Variants in UVRAG observed in about 807,000 individuals in gnomAD.
The protein encoded by UVRAG is UV radiation resistance-associated gene protein.
In UVRAG, 19 loss-of-function variants were observed where a neutral mutation model predicts 78.0. The ratio of observed to expected loss-of-function variants is 0.24; its 90% CI spans 0.17 to 0.36. The LOEUF is 0.36. UVRAG is among the 10% of genes least tolerant of loss of function. The pLI, the probability that UVRAG is intolerant of heterozygous loss-of-function variation, is 1.00. For missense variants in UVRAG, 740 were observed against 853.8 expected (o/e 0.87, Z 1.66); for synonymous variants, 323 against 324.6 (o/e 1.00, Z 0.05).
intron 1 of UVRAG, among the ~76,000 whole-genome samples, chr11:75,828,036 T>G (rs1945553911): frequency 6.6e-6 from 1 of 152,176 alleles, no homozygotes; most frequent in African/African-American, 2.4e-5. Flanking sequence ...GGTTTTTTAT[T>G]CTGAAAATAG....
intron 1 of UVRAG, among the ~76,000 whole-genome samples, chr11:75,825,325 C>T (rs1440944903): frequency 2.6e-5 from 4 of 151,848 alleles, no homozygotes; most frequent in African/African-American, 9.7e-5. Flanking sequence ...ATTGGCCAGA[C>T]TGATCTCGAA....
chr11:76,038,217 A>T (rs1402560207), intron 12 of UVRAG, among the ~76,000 whole-genome samples: 1 of 152,180 alleles, frequency 6.6e-6, no homozygotes, highest in Non-Finnish European at 1.5e-5. Context: ...TGTGAGCATG[A>T]AAATAATTTA....
chr11:75,987,362 A>G (rs2135287770), intron 8 of UVRAG, among the ~76,000 whole-genome samples: 1 of 152,318 alleles, frequency 6.6e-6, no homozygotes, highest in Non-Finnish European at 1.5e-5. Context: ...CATGCTTCTT[A>G]CACCAGATTT....
At chr11:75,940,312 A>T (rs1200325535) in intron 6 of UVRAG, among the ~76,000 whole-genome samples, 1 of 152,158 alleles carries the variant, frequency 6.6e-6, no homozygotes, top group Admixed American at 6.5e-5. Context: ...TACTAACATT[A>T]TCATGGTCCT....
rs1253916078 is a variant in UVRAG at position 75,823,095 on chromosome 11, A to G, written c.117+7571A>G. 3.3e-5 allele frequency among the ~76,000 whole-genome samples: 5 copies of G among 152,152 alleles called. No individual in the cohort carries two copies. In the East Asian group the frequency reaches 7.7e-4, roughly 23 times the overall value. On this transcript the variant is annotated intron_variant, in intron 1 of 14. Transcript: ENST00000356136. ...ACTGGGGTCAAAGACCAAATATGAA[A>G]AGTAAAGATTCTCCTAGTACCCCTA...
chr11:75,968,517 T>C (rs1949066978), intron 7 of UVRAG, among the ~76,000 whole-genome samples: 1 of 152,192 alleles, frequency 6.6e-6, no homozygotes, highest in South Asian at 2.1e-4. Context: ...TGACTTGATA[T>C]ATTTCTGTAA....
chr11:75,968,300 CTAAT>C (rs755401001), intron 7 of UVRAG, among the ~76,000 whole-genome samples: 1 of 152,096 alleles, frequency 6.6e-6, no homozygotes, highest in Non-Finnish European at 1.5e-5. Context: ...ACACTAAAAT[CTAAT>C]TAAATGTAAT....
chr11:75,894,202 C>T (rs1177532030), intron 5 of UVRAG, among the ~76,000 whole-genome samples: 1 of 152,054 alleles, frequency 6.6e-6, no homozygotes. Context: ...TAGTCTGGAC[C>T]GCTGCTTGTC....
Position 75,906,637 on chromosome 11 carries a change from C to T in UVRAG, c.508-5317C>T, listed in dbSNP as rs560533067. On this transcript the variant is annotated intron_variant, in intron 5 of 14. Transcript: ENST00000356136. ...TGCTGGGATTACAGGCGCGAGCCAC[C>T]GTGCCTGGCCAGCTTTATGGTTTTA... Among the ~76,000 whole-genome samples, 5 of 152,130 alleles carry T rather than the reference C, an allele frequency of 3.3e-5. No individual in the cohort carries two copies. In the South Asian group the frequency reaches 1.0e-3, roughly 32 times the overall value.
chr11:76,142,548 GTTA>G lies in UVRAG; in HGVS notation c.*1136_*1138del. 1 of 152,552 alleles carries G rather than the reference GTTA, an allele frequency of 6.6e-6. No homozygotes were observed. Among genetic ancestry groups the G allele is most frequent in the Non-Finnish European group, 1.5e-5 (1 of 68,022 alleles). The allele number at this position is 152,552 out of a possible 1,614,324, so 9.4% of individuals were successfully genotyped here. Reference sequence around the variant, plus strand: ...GATTTCATTTGCTGTTGCTTTATACGTTACGTACCCAAGGACATTGCCTCAGGG... The same window carrying G: ...GATTTCATTTGCTGTTGCTTTATACGCGTACCCAAGGACATTGCCTCAGGG... On this transcript the variant is annotated 3_prime_UTR_variant, in exon 15 of 15. Transcript: ENST00000356136.
intron 14 of UVRAG, 75 bp downstream of exon 14, chr11:76,116,090 T>C (rs1015584263): frequency 5.8e-5 from 80 of 1,374,598 alleles, no homozygotes; most frequent in Non-Finnish European, 7.8e-5. Context: ...GACTTCCACA[T>C]TGCTCCACAC....
chr11:75,836,852 A>C (rs1945786982), intron 1 of UVRAG, among the ~76,000 whole-genome samples: 1 of 152,148 alleles, frequency 6.6e-6, no homozygotes, highest in Admixed American at 6.5e-5. Context: ...CAAAATCTTC[A>C]TGTCTTCACT....
chr11:75,879,064 T>C (rs562033759), intron 3 of UVRAG, among the ~76,000 whole-genome samples: 1 of 152,344 alleles, frequency 6.6e-6, no homozygotes, highest in East Asian at 1.9e-4. Flanking sequence ...TTCGACTCCC[T>C]GGACGGTTCT....
chr11:75,855,800 A>G (rs1367284559), intron 2 of UVRAG, among the ~76,000 whole-genome samples: 3 of 152,332 alleles, frequency 2.0e-5, no homozygotes, highest in African/African-American at 7.2e-5. Flanking sequence ...GATCCAAAGA[A>G]GATATGTGTA....
intron 13 of UVRAG, among the ~76,000 whole-genome samples, chr11:76,104,753 T>C (rs531607776): frequency 6.6e-6 from 1 of 152,356 alleles, no homozygotes; most frequent in Non-Finnish European, 1.5e-5. Flanking sequence ...CTAATGATCC[T>C]GTCGGGTATT....
intron 7 of UVRAG, among the ~76,000 whole-genome samples, chr11:75,970,938 C>T (rs1461045303): frequency 6.6e-6 from 1 of 152,050 alleles, no homozygotes; most frequent in African/African-American, 2.4e-5. Context: ...TGAGTTTTGA[C>T]AAATGTATTA....
intron 14 of UVRAG, among the ~76,000 whole-genome samples, chr11:76,117,040 T>C (rs1952196096): frequency 6.6e-6 from 1 of 152,080 alleles, no homozygotes; most frequent in South Asian, 2.1e-4. Context: ...TTCAGGAATA[T>C]GAGAGAGGAA....
At chr11:76,057,144 A>G (rs1950999577) in intron 12 of UVRAG, among the ~76,000 whole-genome samples, 1 of 152,218 alleles carries the variant, frequency 6.6e-6, no homozygotes, top group African/African-American at 2.4e-5. Context: ...GTGTGGTTTA[A>G]ATTTTATTTC....
chr11:75,934,071 C>G (rs542181269), intron 6 of UVRAG, among the ~76,000 whole-genome samples: 23 of 152,118 alleles, frequency 1.5e-4, no homozygotes, highest in African/African-American at 5.3e-4. Context: ...TCACAATAGC[C>G]AAGATTTGGG....
Sources: gnomAD v4.1 joint callset for allele counts (sites outside exome capture counted in the v4.1 genomes callset) on GRCh38, gnomAD v4.1.1 for gene constraint, MANE v1.5 for transcripts, NCBI Gene and HGNC (gene_info 2026-07-23, HGNC 2026-07-21) for gene names.